HIVEP2: variants seen among roughly 807,000 people sequenced by gnomAD.
HIVEP2 encodes transcription factor HIVEP2.
A neutral mutation model predicts 180.7 loss-of-function variants in HIVEP2; 14 were observed. The observed-to-expected ratio is 0.08, with a 90% CI of 0.05 to 0.12. HIVEP2 has a LOEUF of 0.12. Among genes scored for constraint, HIVEP2 ranks in the 10% least tolerant of loss-of-function variants. The pLI, the probability that HIVEP2 is intolerant of heterozygous loss-of-function variation, is 1.00. For missense variants in HIVEP2, 2,579 were observed against 3,008.5 expected (o/e 0.86, Z 3.34); for synonymous variants, 1,184 against 1,136.4 (o/e 1.04, Z -0.84).
chr6:142,845,927 G>T (rs923799735), intron 1 of HIVEP2, among the ~76,000 whole-genome samples: 2 of 152,244 alleles, frequency 1.3e-5, no homozygotes, highest in Non-Finnish European at 2.9e-5. Context: ...ACAGCCACTT[G>T]TGGCTGAGAC....
At chr6:142,886,275 G>C (rs753191508) in intron 1 of HIVEP2, among the ~76,000 whole-genome samples, 1 of 152,184 alleles carries the variant, frequency 6.6e-6, no homozygotes, top group Non-Finnish European at 1.5e-5. Flanking sequence ...CAAATGACAA[G>C]TAAGATGTTA....
chr6:142,767,410 C>A (rs1230366758), intron 6 of HIVEP2, among the ~76,000 whole-genome samples: 1 of 152,224 alleles, frequency 6.6e-6, no homozygotes, highest in African/African-American at 2.4e-5. Context: ...AATAATCCAT[C>A]TCCAAACCGG....
chr6:142,774,484 T>C lies in HIVEP2; in HGVS notation c.255A>G (p.Pro85=). Reference sequence around the variant, plus strand: ...ATGAGTAAGGACTCGGACGATGCGGTGGATATTGCTTCTCTGCGACTTGCT... The same window carrying C: ...ATGAGTAAGGACTCGGACGATGCGGCGGATATTGCTTCTCTGCGACTTGCT... ...VVQQVAEKQY[P]PHRPSPYSCQ... Residue 85 remains proline (P), a synonymous_variant, in exon 5 of 10, where the codon CCA becomes CCG. Transcript: ENST00000367603. The surrounding 1 kb of genome is among the most constrained non-coding windows in gnomAD (Gnocchi z 5.1). 1.2e-6 allele frequency: 2 copies of C among 1,613,970 alleles called. No homozygotes were observed. Among genetic ancestry groups the C allele is most frequent in the Non-Finnish European group, 1.7e-6 (2 of 1,179,994 alleles).
chr6:142,924,511 A>G (rs1261478131), intron 1 of HIVEP2, among the ~76,000 whole-genome samples: 1 of 152,366 alleles, frequency 6.6e-6, no homozygotes, highest in East Asian at 1.9e-4. Flanking sequence ...GATACAATGG[A>G]AGATTGCATT....
intron 2 of HIVEP2, among the ~76,000 whole-genome samples, chr6:142,804,923 T>C (rs1435137188): frequency 6.6e-6 from 1 of 152,150 alleles, no homozygotes; most frequent in Non-Finnish European, 1.5e-5. Context: ...GAATGGAGAA[T>C]AGTCATCCTT....
chr6:142,904,912 G>T (rs1195351193), intron 1 of HIVEP2, among the ~76,000 whole-genome samples: 1 of 151,976 alleles, frequency 6.6e-6, no homozygotes. Flanking sequence ...CATATCTATT[G>T]ACCTGGGATA....
chr6:142,836,792 AT>A (rs1342044958), intron 2 of HIVEP2, 142 bp downstream of exon 2: 1 of 152,168 alleles, frequency 6.6e-6, no homozygotes, highest in Non-Finnish European at 1.5e-5. Context: ...TTTAGATAAT[AT>A]CCAAAACATC....
chr6:142,819,576 G>A (rs1020019614), intron 2 of HIVEP2, among the ~76,000 whole-genome samples: 1 of 152,210 alleles, frequency 6.6e-6, no homozygotes, highest in Non-Finnish European at 1.5e-5. Context: ...AGGAGACACC[G>A]AAGTGACCCT....
At chr6:142,864,276 G>C (rs1324866270) in intron 1 of HIVEP2, among the ~76,000 whole-genome samples, 1 of 152,044 alleles carries the variant, frequency 6.6e-6, no homozygotes, top group Non-Finnish European at 1.5e-5. Context: ...GTGTCACCTG[G>C]AGCCTGGAGG....
At chr6:142,942,437 G>T (rs904117579) in intron 1 of HIVEP2, among the ~76,000 whole-genome samples, 6 of 152,162 alleles carry the variant, frequency 3.9e-5, no homozygotes, top group Admixed American at 2.6e-4. Context: ...CACAAGGAAC[G>T]TCTCCCTATA....
rs755903707 is a variant in HIVEP2 at position 142,818,789 on chromosome 6, G to GAAA, written c.-528+18143_-528+18145dup. Among the ~76,000 whole-genome samples the GAAA allele has an allele frequency of 5.4e-3, 665 of 122,310 alleles. 18 individuals carry two copies. The highest frequency in any genetic ancestry group is 0.021 in the African/African-American group (610 of 29,706). The allele number at this position is 122,310 out of a possible 152,430, so 80.2% of individuals were successfully genotyped here. On this transcript the variant is annotated intron_variant, in intron 2 of 9. Coordinates refer to ENST00000367603, the MANE Select transcript of HIVEP2 (RefSeq NM_006734.4). Reference sequence around the variant, plus strand: ...AGAAAGAAAGAAAGAAAGAAAGAAAGAAAAAGAAAAGAAAAAGAAAAGAAA... The same window carrying GAAA: ...AGAAAGAAAGAAAGAAAGAAAGAAAGAAAAAAAAGAAAAGAAAAAGAAAAGAAA...
chr6:142,884,393 G>T (rs1399391881), intron 1 of HIVEP2, among the ~76,000 whole-genome samples: 1 of 152,016 alleles, frequency 6.6e-6, no homozygotes, highest in Non-Finnish European at 1.5e-5. Context: ...AATCAATTTT[G>T]CCTAAATGTG....
intron 1 of HIVEP2, among the ~76,000 whole-genome samples, chr6:142,911,139 T>TA (rs5880554): frequency 0.18 from 19,330 of 106,090 alleles, 2,289 homozygotes; most frequent in African/African-American, 0.37. Flanking sequence ...ACAAACACAT[T>TA]AAAAAAAAAA....
intron 2 of HIVEP2, among the ~76,000 whole-genome samples, chr6:142,813,510 T>G (rs191320576): frequency 5.0e-4 from 76 of 152,224 alleles, no homozygotes; most frequent in African/African-American, 1.8e-3. Flanking sequence ...TATTAAATCA[T>G]TTAAATTCAA....
intron 7 of HIVEP2, among the ~76,000 whole-genome samples, chr6:142,762,738 T>C (rs895901866): frequency 2.6e-5 from 4 of 152,234 alleles, no homozygotes; most frequent in Non-Finnish European, 5.9e-5. Context: ...ATGTAATATA[T>C]GAGCCACAGT....
intron 1 of HIVEP2, chr6:142,944,718 C>G (rs1778271733): frequency 6.5e-6 from 1 of 152,734 alleles, no homozygotes; most frequent in Non-Finnish European, 1.5e-5. Context: ...CCCAGTTCCC[C>G]ACAGTGCACA....
chr6:142,937,712 G>A (rs1325627122), intron 1 of HIVEP2, among the ~76,000 whole-genome samples: 3 of 152,190 alleles, frequency 2.0e-5, no homozygotes, highest in Non-Finnish European at 4.4e-5. Context: ...AAAAGACAAA[G>A]CATTTTCGGA....
chr6:142,872,946 A>G (rs1273560465), intron 1 of HIVEP2, among the ~76,000 whole-genome samples: 4 of 152,126 alleles, frequency 2.6e-5, no homozygotes, highest in South Asian at 2.1e-4. Flanking sequence ...TACAATCCCA[A>G]CTTCTGGAAG....
chr6:142,894,379 G>A (rs780568655), intron 1 of HIVEP2, among the ~76,000 whole-genome samples: 1 of 152,060 alleles, frequency 6.6e-6, no homozygotes, highest in Non-Finnish European at 1.5e-5. Flanking sequence ...AGAAAACCAT[G>A]TCAACAGGTT....
Sources: allele counts gnomAD v4.1 joint callset (sites outside exome capture counted in the v4.1 genomes callset), GRCh38; gene constraint gnomAD v4.1.1; non-coding constraint Gnocchi (gnomAD v3.1); transcripts MANE v1.5; gene names NCBI Gene and HGNC (gene_info 2026-07-23, HGNC 2026-07-21).